Variants in MYO16 observed in about 807,000 individuals in gnomAD.
MYO16 encodes myosin XVI.
In MYO16, 94 loss-of-function variants were observed where a neutral mutation model predicts 205.3. That is an observed-to-expected ratio of 0.46 (90% CI 0.39 to 0.54). MYO16 has a LOEUF of 0.54. Ranked by LOEUF, MYO16 falls within the 20% of genes least tolerant of loss-of-function variation. The probability of loss-of-function intolerance (pLI) is 0.00; values close to 1 mark genes in which losing one functional copy is unlikely to be tolerated. For missense variants in MYO16, 2,315 were observed against 2,387.5 expected (o/e 0.97, Z 0.63); for synonymous variants, 988 against 954.0 (o/e 1.04, Z -0.66).
intron 34 of MYO16, among the ~76,000 whole-genome samples, chr13:109,200,311 C>T (rs1880348012): frequency 6.6e-6 from 1 of 151,990 alleles, no homozygotes; most frequent in South Asian, 2.1e-4. Context: ...TTCTTATATA[C>T]CTAGTAGATT....
At chr13:109,122,846 T>C (rs1407235770) in intron 29 of MYO16, among the ~76,000 whole-genome samples, 1 of 152,200 alleles carries the variant, frequency 6.6e-6, no homozygotes, top group African/African-American at 2.4e-5. Flanking sequence ...CTTAAAACAG[T>C]TCCCTCAATG....
rs1883761150 is a variant in MYO16 at position 108,712,560 on chromosome 13, C to T, written c.293-101C>T. The T allele has an allele frequency of 4.0e-6, 4 of 1,006,056 alleles. No individual in the cohort carries two copies. In the Admixed American group the frequency reaches 6.9e-5, roughly 17 times the overall value. 62.3% of individuals were successfully genotyped at this position (1,006,056 alleles called of 1,614,324 possible). On this transcript the variant is annotated intron_variant, in intron 2 of 34. Transcript: ENST00000457511. ...CAGAAGCCGTAGTCTTTGGTTTTCACAGCTGTTTGCATTTTAGATATTAAC... is the reference window on the plus strand; with the variant it reads ...CAGAAGCCGTAGTCTTTGGTTTTCATAGCTGTTTGCATTTTAGATATTAAC...
chr13:108,554,835 G>A, the MYO16 span, among the ~76,000 whole-genome samples: 3 of 112,650 alleles, frequency 2.7e-5, no homozygotes, highest in African/African-American at 1.0e-4. Context: ...GGGCGACAGA[G>A]AGAGACTCTG....
intron 16 of MYO16, among the ~76,000 whole-genome samples, chr13:108,928,748 A>G (rs2139285198): frequency 6.6e-6 from 1 of 152,368 alleles, no homozygotes; most frequent in Admixed American, 6.5e-5. Flanking sequence ...TCAGCTTAAA[A>G]TGCCTAAAAG....
chr13:109,008,296 G>C (rs1594464884), intron 21 of MYO16, among the ~76,000 whole-genome samples: 2 of 152,020 alleles, frequency 1.3e-5, no homozygotes, highest in South Asian at 4.2e-4. Flanking sequence ...GTACTATCTT[G>C]TGTATGCACT....
intron 2 of MYO16, among the ~76,000 whole-genome samples, chr13:108,673,679 A>G (rs951430714): frequency 1.1e-4 from 17 of 151,912 alleles, no homozygotes; most frequent in Admixed American, 1.1e-3. Flanking sequence ...GTTTCTACCT[A>G]TCTTCCCTGG....
At chr13:109,024,300 ATTAC>A (rs1421401086) in intron 23 of MYO16, among the ~76,000 whole-genome samples, 1 of 151,822 alleles carries the variant, frequency 6.6e-6, no homozygotes, top group Non-Finnish European at 1.5e-5. Flanking sequence ...ATTTCAGGAA[ATTAC>A]TTTTCCTAAG....
intron 23 of MYO16, among the ~76,000 whole-genome samples, chr13:109,025,870 G>A (rs1311518938): frequency 6.6e-6 from 1 of 152,176 alleles, no homozygotes; most frequent in African/African-American, 2.4e-5. Context: ...AATAAAAATT[G>A]CATTAATGAA....
chr13:108,574,484 A>G, the MYO16 span, among the ~76,000 whole-genome samples: 1 of 152,208 alleles, frequency 6.6e-6, no homozygotes, highest in Non-Finnish European at 1.5e-5. Flanking sequence ...GAACCCATTA[A>G]ACATGCTCAG....
intron 27 of MYO16, among the ~76,000 whole-genome samples, chr13:109,062,654 G>T (rs9521148): frequency 0.5 from 75,156 of 151,806 alleles, 18,612 homozygotes; most frequent in Middle Eastern, 0.55. Context: ...GATTCATAGA[G>T]AGATTATCAG....
intron 1 of MYO16, among the ~76,000 whole-genome samples, chr13:108,606,229 A>C (rs1878953168): frequency 6.6e-6 from 1 of 152,226 alleles, no homozygotes; most frequent in African/African-American, 2.4e-5. Context: ...CTTCTGCATA[A>C]AGTTGCATAG....
intron 16 of MYO16, among the ~76,000 whole-genome samples, chr13:108,937,779 C>T (rs1201471660): frequency 6.6e-6 from 1 of 152,228 alleles, no homozygotes; most frequent in East Asian, 1.9e-4. Flanking sequence ...TCTTTCATTT[C>T]CTTGATTGTT....
At chr13:108,596,881 C>G in intron 1 of MYO16, among the ~76,000 whole-genome samples, 1 of 152,142 alleles carries the variant, frequency 6.6e-6, no homozygotes, top group African/African-American at 2.4e-5. Flanking sequence ...CTAGTGTTAG[C>G]TAGATCAGCA....
At chr13:108,785,764 C>T in intron 5 of MYO16, 21 bp downstream of exon 5, 1 of 1,451,492 alleles carries the variant, frequency 6.9e-7, no homozygotes, top group Non-Finnish European at 9.5e-7. Context: ...ACTTTTAAAA[C>T]CATAGAAAAA....
chr13:108,719,026 T>G (rs1171051773), intron 3 of MYO16, among the ~76,000 whole-genome samples: 1 of 152,172 alleles, frequency 6.6e-6, no homozygotes, highest in Non-Finnish European at 1.5e-5. Context: ...GGGCCTGATT[T>G]GCTCTGCATC....
At chr13:109,190,024 C>T (rs1042898142) in intron 34 of MYO16, among the ~76,000 whole-genome samples, 1 of 151,650 alleles carries the variant, frequency 6.6e-6, no homozygotes, top group Non-Finnish European at 1.5e-5. Flanking sequence ...GTAGGCTTAC[C>T]CGTTTATGTG....
upstream of MYO16, among the ~76,000 whole-genome samples, chr13:108,625,984 G>A (rs1372902496): frequency 6.6e-6 from 1 of 152,148 alleles, no homozygotes; most frequent in African/African-American, 2.4e-5. Context: ...CTCACCTGGG[G>A]CCTTTTTGGA....
At chr13:108,695,035 C>T (rs1283478131) in intron 2 of MYO16, among the ~76,000 whole-genome samples, 3 of 152,168 alleles carry the variant, frequency 2.0e-5, no homozygotes, top group Non-Finnish European at 4.4e-5. Context: ...TCTCTTGAAC[C>T]CGGGAGGCAG....
At chr13:108,869,622 T>A (rs1484733625) in intron 12 of MYO16, among the ~76,000 whole-genome samples, 1 of 147,452 alleles carries the variant, frequency 6.8e-6, no homozygotes. Context: ...TCCCAGCTAC[T>A]CGGGAGGCTG....
Sources: gnomAD v4.1 joint callset for allele counts (sites outside exome capture counted in the v4.1 genomes callset) on GRCh38, gnomAD v4.1.1 for gene constraint, MANE v1.5 for transcripts, NCBI Gene and HGNC (gene_info 2026-07-23, HGNC 2026-07-21) for gene names.